Variants in TTLL11 observed in about 807,000 individuals in gnomAD.
TTLL11 encodes tubulin polyglutamylase TTLL11.
A neutral mutation model predicts 51.7 loss-of-function variants in TTLL11; 42 were observed. The ratio of observed to expected loss-of-function variants is 0.81; its 90% CI spans 0.64 to 1.05. TTLL11 has a LOEUF of 1.05. Ranked by LOEUF, TTLL11 falls within the 50% of genes least tolerant of loss-of-function variation. The pLI, the probability that TTLL11 is intolerant of heterozygous loss-of-function variation, is 0.00. For synonymous variants in TTLL11, 381 were observed against 383.5 expected, an observed-to-expected ratio of 0.99 and a Z score of 0.08; for missense variants, 799 against 940.4, an observed-to-expected ratio of 0.85 and a Z score of 1.97.
intron 1 of TTLL11, among the ~76,000 whole-genome samples, chr9:122,090,548 G>A (rs1355479122): frequency 1.3e-5 from 2 of 152,082 alleles, no homozygotes; most frequent in Non-Finnish European, 2.9e-5. Flanking sequence ...AACTCAGCTC[G>A]GGTTTATTTC....
At chr9:122,068,107 T>C (rs1845635865) in intron 1 of TTLL11, among the ~76,000 whole-genome samples, 1 of 152,222 alleles carries the variant, frequency 6.6e-6, no homozygotes, top group African/African-American at 2.4e-5. Flanking sequence ...AAGTAAATGA[T>C]GGTACATTTG....
chr9:121,946,933 C>A (rs1368291603), intron 6 of TTLL11, among the ~76,000 whole-genome samples: 1 of 152,146 alleles, frequency 6.6e-6, no homozygotes, highest in African/African-American at 2.4e-5. Context: ...TTGGCCCTGA[C>A]AGCACTTGGG....
intron 6 of TTLL11, among the ~76,000 whole-genome samples, chr9:121,908,779 T>C (rs939251999): frequency 2.6e-5 from 4 of 152,204 alleles, no homozygotes; most frequent in Non-Finnish European, 4.4e-5. Flanking sequence ...GTCTTCACAT[T>C]GTCTTCTCTC....
chr9:121,908,665 G>A (rs1193483529), intron 6 of TTLL11, among the ~76,000 whole-genome samples: 2 of 152,134 alleles, frequency 1.3e-5, no homozygotes, highest in African/African-American at 4.8e-5. Flanking sequence ...CAAGTCACTG[G>A]AGCATCTATT....
At chr9:121,913,732 C>G (rs1840225127) in intron 6 of TTLL11, among the ~76,000 whole-genome samples, 1 of 152,186 alleles carries the variant, frequency 6.6e-6, no homozygotes, top group African/African-American at 2.4e-5. Context: ...AGACCAGGGA[C>G]ATTATGTCTC....
At chr9:122,083,147 C>T (rs935758893) in intron 1 of TTLL11, among the ~76,000 whole-genome samples, 1 of 152,124 alleles carries the variant, frequency 6.6e-6, no homozygotes, top group African/African-American at 2.4e-5. Flanking sequence ...CCTGATTCTC[C>T]TCTTTACACC....
At chr9:121,896,906 C>T (rs1839548223) in intron 6 of TTLL11, among the ~76,000 whole-genome samples, 1 of 152,202 alleles carries the variant, frequency 6.6e-6, no homozygotes, top group African/African-American at 2.4e-5. Flanking sequence ...CTACAGACCA[C>T]GCCTCGAGTC....
At chr9:122,022,796 T>G (rs1056473184) in intron 3 of TTLL11, among the ~76,000 whole-genome samples, 1 of 151,958 alleles carries the variant, frequency 6.6e-6, no homozygotes, top group Non-Finnish European at 1.5e-5. Flanking sequence ...AAAACAAAAA[T>G]GATAACAATG....
chr9:121,851,183 G>A (rs1474732131), intron 8 of TTLL11, among the ~76,000 whole-genome samples: 1 of 152,196 alleles, frequency 6.6e-6, no homozygotes, highest in African/African-American at 2.4e-5. Context: ...ACGGAGGGGA[G>A]GGCTGAACAG....
chr9:121,897,243 G>A (rs1044119616), intron 6 of TTLL11, among the ~76,000 whole-genome samples: 1 of 152,090 alleles, frequency 6.6e-6, no homozygotes, highest in African/African-American at 2.4e-5. Flanking sequence ...TATCCACTGG[G>A]TGCTTTTAGA....
chr9:122,084,106 G>C (rs1232002208), intron 1 of TTLL11, among the ~76,000 whole-genome samples: 4 of 152,096 alleles, frequency 2.6e-5, no homozygotes, highest in Non-Finnish European at 4.4e-5. Context: ...ATCTCCCTAT[G>C]AGTATAAAGA....
At chr9:122,046,748 C>A (rs770602599) in intron 1 of TTLL11, among the ~76,000 whole-genome samples, 2 of 152,070 alleles carry the variant, frequency 1.3e-5, no homozygotes, top group Non-Finnish European at 2.9e-5. Context: ...CTGGCACTCA[C>A]TGTGAGATTG....
chr9:121,927,627 C>A (rs1840786641), intron 6 of TTLL11, among the ~76,000 whole-genome samples: 1 of 49,132 alleles, frequency 2.0e-5, no homozygotes, highest in Admixed American at 2.6e-4. Flanking sequence ...CAGAAGGTGG[C>A]ATTTTTTTTT....
chr9:121,896,352 C>A (rs374868698), intron 6 of TTLL11, among the ~76,000 whole-genome samples: 1 of 152,196 alleles, frequency 6.6e-6, no homozygotes, highest in African/African-American at 2.4e-5. Flanking sequence ...GGCCAGGAAC[C>A]CACCCCTCAG....
intron 1 of TTLL11, among the ~76,000 whole-genome samples, chr9:122,085,650 T>C (rs1486222075): frequency 6.6e-6 from 1 of 152,138 alleles, no homozygotes. Context: ...TAAGAAAAAA[T>C]AGATCAAATA....
At position 122,022,939 on chromosome 9, in the gene TTLL11, T is replaced by A. The variant is rs1370664062; in HGVS notation, c.693+8784A>T. Among the ~76,000 whole-genome samples the A allele has an allele frequency of 2.0e-5, 3 of 151,956 alleles. No individual in the cohort carries two copies. In the East Asian group the frequency reaches 5.8e-4, roughly 29 times the overall value. ...TATAAATAAAATAGTACTATATAAC[T>A]TAAAGGTAGATTGTGATAACTCAAA... is the stretch of plus-strand genomic sequence containing the variant. On this transcript the variant is annotated intron_variant, in intron 3 of 8. Transcript: ENST00000321582.
intron 6 of TTLL11, among the ~76,000 whole-genome samples, chr9:121,899,386 T>TATATATATAC (rs1488149648): frequency 9.5e-6 from 1 of 105,748 alleles, no homozygotes; most frequent in Non-Finnish European, 2.1e-5. Context: ...TACATATATA[T>TATATATATAC]ATATATATAT....
At chr9:121,962,662 C>A (rs531164062) in intron 6 of TTLL11, among the ~76,000 whole-genome samples, 1 of 152,354 alleles carries the variant, frequency 6.6e-6, no homozygotes, top group Admixed American at 6.5e-5. Flanking sequence ...GTTCTCCAGT[C>A]TGGAACACAT....
rs141961053 is a variant in TTLL11, at chr9:121,925,678, G to A, written c.1481+48331C>T. On this transcript the variant is annotated intron_variant, in intron 6 of 8. Transcript: ENST00000321582. ...ATGCCAAGGCTCTCCACAGGCTCCC[G>A]CAGCTGTCTCCTGGCTGGACTGCAA... Among the ~76,000 whole-genome samples, 6 of 152,270 alleles carry A rather than the reference G, an allele frequency of 3.9e-5. 1 individual carries two copies. The highest frequency in any genetic ancestry group is 4.2e-4 in the South Asian group (2 of 4,818).
Sources: gnomAD v4.1 joint callset for allele counts (sites outside exome capture counted in the v4.1 genomes callset) on GRCh38, gnomAD v4.1.1 for gene constraint, MANE v1.5 for transcripts, NCBI Gene and HGNC (gene_info 2026-07-23, HGNC 2026-07-21) for gene names.